Variants in TESMIN observed in about 807,000 individuals in gnomAD.
TESMIN encodes the protein CXC domain containing 2.
In TESMIN, 34 loss-of-function variants were observed where a neutral mutation model predicts 47.4. The observed-to-expected ratio is 0.72, with a 90% CI of 0.55 to 0.96. The LOEUF is 0.96. Among genes scored for constraint, TESMIN ranks in the 40% least tolerant of loss-of-function variants. The probability of loss-of-function intolerance (pLI) is 0.00; values close to 1 mark genes in which losing one functional copy is unlikely to be tolerated. For synonymous variants in TESMIN, 278 were observed against 258.9 expected (o/e 1.07, Z -0.71); for missense variants, 610 against 637.2 (o/e 0.96, Z 0.46).
chr11:68,737,861 A>C, intron 6 of TESMIN: 1 of 889,192 alleles, frequency 1.1e-6, no homozygotes, highest in Non-Finnish European at 1.3e-6. Flanking sequence ...TGCAGTGAGC[A>C]GAGATCATGC....
Position 68,750,274 on chromosome 11 carries a change from T to A in TESMIN, c.387A>T (p.Leu129=). Reference sequence around the variant, plus strand: ...ACACCGCCGGGCTGCGGTGCGCGGGTAGCAGCGAGGACAGGAAGTGCACGT... The same window carrying A: ...ACACCGCCGGGCTGCGGTGCGCGGGAAGCAGCGAGGACAGGAAGTGCACGT... The part of the protein sequence containing the change: ...ACNVHFLSSL[L]PAHRSPAVLP... Residue 129 remains leucine, a synonymous_variant, in exon 2 of 10, where the codon CTA becomes CTT. Transcript: ENST00000255087. 1 of 1,547,146 alleles carries A rather than the reference T, an allele frequency of 6.5e-7. No individual in the cohort carries two copies. The highest frequency in any genetic ancestry group is 8.7e-7 in the Non-Finnish European group (1 of 1,155,226).
chr11:68,749,256 G>GC (rs940016697), intron 2 of TESMIN, among the ~76,000 whole-genome samples: 8 of 152,192 alleles, frequency 5.3e-5, no homozygotes, highest in African/African-American at 1.9e-4. Flanking sequence ...CCCAGCCTCT[G>GC]CCCATCCTTT....
At position 68,736,848 on chromosome 11, in the gene TESMIN, G is replaced by A. The variant is rs1946392844; in HGVS notation, c.917+1852C>T. On this transcript the variant is annotated intron_variant, in intron 6 of 9. Transcript: ENST00000255087. ...AGGAGGAGGAGAATGGGAAGCCGGG[G>A]GAGAGGAAAAGGGGGAAAAGGAGAA... 4.1e-6 allele frequency: 4 copies of A among 984,996 alleles called. No homozygotes were observed. In the South Asian group the frequency reaches 1.9e-4, roughly 46 times the overall value. The allele number at this position is 984,996 out of a possible 1,614,324, so 61.0% of individuals were successfully genotyped here. A position where few individuals can be genotyped will look rare whatever the true frequency, so the allele number is the denominator to read the frequency against.
chr11:68,738,477 T>C (rs1946414253), intron 6 of TESMIN: 2 of 1,345,426 alleles, frequency 1.5e-6, no homozygotes, highest in African/African-American at 3.0e-5. Flanking sequence ...CAGGGACAGA[T>C]GCAGGTTATG....
In TESMIN at chr11:68,742,346, G is replaced by C; in HGVS notation, c.800C>G (p.Ser267Ter). 6.2e-7 allele frequency: 1 copy of C among 1,602,558 alleles called. No individual in the cohort carries two copies. Among genetic ancestry groups the C allele is most frequent in the Non-Finnish European group, 8.5e-7 (1 of 1,172,650 alleles). ...TALVGRFLPA[S>*]TKLNLITQQL... is the part of the protein sequence containing the mutation. ...TTGTGTAATGAGATTTAATTTTGTT[G>C]ATGCTGGCAAAAATCTCCCTACTAA... is the stretch of plus-strand genomic sequence containing the variant. Residue 267 changes from serine (S) to a stop codon, truncating the protein, a stop_gained, in exon 5 of 10, where the codon TCA becomes TGA. Coordinates refer to ENST00000255087, the MANE Select transcript of TESMIN (RefSeq NM_004923.3). LOFTEE classifies it high-confidence loss of function.
chr11:68,727,080 A>T (rs1451890566), intron 6 of TESMIN, among the ~76,000 whole-genome samples: 7 of 151,930 alleles, frequency 4.6e-5, no homozygotes, highest in Admixed American at 1.3e-4. Flanking sequence ...AAAAAAAAAA[A>T]AATAATGAAA....
At chr11:68,732,732 T>C (rs949226802) in intron 6 of TESMIN, 22 of 152,256 alleles carry the variant, frequency 1.4e-4, no homozygotes, top group Admixed American at 1.4e-3. Flanking sequence ...ACTAAACCAA[T>C]GAGAGCTCAA....
chr11:68,705,830 C>G (rs1454422715), downstream of TESMIN, among the ~76,000 whole-genome samples: 1 of 152,080 alleles, frequency 6.6e-6, no homozygotes, highest in East Asian at 1.9e-4. Context: ...CAAGACCAGC[C>G]TGGCCAACAT....
intron 5 of TESMIN, among the ~76,000 whole-genome samples, chr11:68,740,836 C>T (rs575650071): frequency 2.6e-5 from 4 of 152,184 alleles, no homozygotes; most frequent in Non-Finnish European, 5.9e-5. Context: ...AGCCCTTCCT[C>T]ACTCTAAACT....
At chr11:68,713,723 C>CCCT (rs1340880463) in intron 7 of TESMIN, among the ~76,000 whole-genome samples, 2 of 152,168 alleles carry the variant, frequency 1.3e-5, no homozygotes, top group African/African-American at 4.8e-5. Context: ...TTCCATCCAG[C>CCCT]ATTTCTGGGG....
At chr11:68,705,061 T>A (rs1212422998), downstream of TESMIN, among the ~76,000 whole-genome samples, 1 of 152,152 alleles carries the variant, frequency 6.6e-6, no homozygotes, top group African/African-American at 2.4e-5. Context: ...CGGTGATCCC[T>A]CCTGTCGTGC....
chr11:68,728,167 G>A (rs1946286626), intron 6 of TESMIN, among the ~76,000 whole-genome samples: 1 of 152,224 alleles, frequency 6.6e-6, no homozygotes, highest in South Asian at 2.1e-4. Context: ...TAAGCTTAGT[G>A]AGGAAGGCAT....
In TESMIN at chr11:68,715,859, A is replaced by G; in HGVS notation, c.998T>C (p.Ile333Thr). Reference protein sequence around the residue: ...NNCCNNLHHDIERFKAIKACL... With the variant: ...NNCCNNLHHDTERFKAIKACL... Reference sequence around the variant, plus strand: ...TACCTTAATGGCTTTAAACCGTTCAATATCATGATGCAAGTTGTTGCAACA... The same window carrying G: ...TACCTTAATGGCTTTAAACCGTTCAGTATCATGATGCAAGTTGTTGCAACA... Residue 333 changes from isoleucine (I) to threonine (T), a missense_variant, in exon 7 of 10, where the codon ATT becomes ACT. By Grantham distance (89) the Ile-to-Thr change is moderately conservative. Transcript: ENST00000255087. The G allele has an allele frequency of 6.2e-7, 1 of 1,610,262 alleles. No individual in the cohort carries two copies.
rs1946131328 is a variant in TESMIN at position 68,715,870 on chromosome 11, C to T, written c.987G>A (p.Leu329=). 5.0e-6 allele frequency: 8 copies of T among 1,612,380 alleles called. No individual in the cohort carries two copies. The East Asian group carries it at 1.1e-4, about 22-fold the overall frequency. ...NCNCNNCCNN[L]HHDIERFKAI... ...CTTTAAACCGTTCAATATCATGATGCAAGTTGTTGCAACAATTATTACAAT... is the reference window on the plus strand; with the variant it reads ...CTTTAAACCGTTCAATATCATGATGTAAGTTGTTGCAACAATTATTACAAT... Residue 329 remains leucine, a synonymous_variant, in exon 7 of 10, where the codon TTG becomes TTA. Coordinates refer to ENST00000255087, the MANE Select transcript of TESMIN (RefSeq NM_004923.3).
At chr11:68,737,934 AAAC>A (rs1450097323) in intron 6 of TESMIN, 3 of 984,370 alleles carry the variant, frequency 3.0e-6, no homozygotes, top group Non-Finnish European at 3.6e-6. Context: ...ACAAACAAAC[AAAC>A]AAAAAACAAG....
intron 7 of TESMIN, among the ~76,000 whole-genome samples, chr11:68,714,928 A>G (rs1946118581): frequency 6.6e-6 from 1 of 152,228 alleles, no homozygotes; most frequent in South Asian, 2.1e-4. Flanking sequence ...TTAACTGTAG[A>G]TAGTATTCTT....
In TESMIN at chr11:68,715,937, T is replaced by A; in HGVS notation, c.920A>T (p.Tyr307Phe). Residue 307 changes from tyrosine (Y) to phenylalanine (F), a missense_variant and splice_region_variant, in exon 7 of 10, where the codon TAC becomes TTC. Physicochemically the swap from Tyr to Phe is conservative, Grantham distance 22 (BLOSUM62 3). Transcript: ENST00000255087. ...PGPPKITLAGYCDCFASGDFC... is the reference protein window; with the variant it reads ...PGPPKITLAGFCDCFASGDFC... Reference sequence around the variant, plus strand: ...GTCCCCACTGGCAAAGCAGTCACAGTACCTGTGAAGGAAAGGACAGAGTGA... The same window carrying A: ...GTCCCCACTGGCAAAGCAGTCACAGAACCTGTGAAGGAAAGGACAGAGTGA... The A allele has an allele frequency of 6.3e-7, 1 of 1,598,390 alleles. No homozygotes were observed. The highest frequency in any genetic ancestry group is 2.2e-5 in the East Asian group (1 of 44,782).
chr11:68,716,707 G>A (rs1021683308), intron 6 of TESMIN, among the ~76,000 whole-genome samples: 2 of 151,998 alleles, frequency 1.3e-5, no homozygotes, highest in African/African-American at 4.8e-5. Flanking sequence ...GCATTGTAAG[G>A]CAGAGAGGTG....
At chr11:68,706,685 C>T (rs4396295), downstream of TESMIN, among the ~76,000 whole-genome samples, 52,252 of 152,200 alleles carry the variant, frequency 0.34, 11,354 homozygotes, top group Non-Finnish European at 0.45. Flanking sequence ...AATGTGAAAT[C>T]TCAATCATTT....
Sources: gnomAD v4.1 joint callset for allele counts (sites outside exome capture counted in the v4.1 genomes callset) on GRCh38, gnomAD v4.1.1 for gene constraint, MANE v1.5 for transcripts, NCBI Gene and HGNC (gene_info 2026-07-23, HGNC 2026-07-21) for gene names.